SHISA9: variants seen among roughly 807,000 people sequenced by gnomAD.
SHISA9 encodes protein shisa-9.
SHISA9 carries 13 observed loss-of-function variants against 38.0 expected under a neutral mutation model. The ratio of observed to expected loss-of-function variants is 0.34; its 90% CI spans 0.22 to 0.54. The LOEUF is 0.54. SHISA9 is among the 20% of genes least tolerant of loss of function. SHISA9 has a pLI of 0.91. For missense variants in SHISA9, 538 were observed against 575.8 expected, an observed-to-expected ratio of 0.93 and a Z score of 0.67; for synonymous variants, 275 against 242.0, an observed-to-expected ratio of 1.14 and a Z score of -1.27.
chr16:13,549,897 C>G, the SHISA9 span, among the ~76,000 whole-genome samples: 3 of 152,014 alleles, frequency 2.0e-5, no homozygotes, highest in African/African-American at 7.3e-5. Flanking sequence ...GTCGTAAGCG[C>G]CTGTAATCCC....
chr16:13,481,058 A>G, the SHISA9 span, among the ~76,000 whole-genome samples: 5 of 152,228 alleles, frequency 3.3e-5, no homozygotes, highest in African/African-American at 1.2e-4. Context: ...AAAGCTGGAA[A>G]GACACCAAAG....
the SHISA9 span, among the ~76,000 whole-genome samples, chr16:13,534,787 G>C: frequency 6.6e-6 from 1 of 152,036 alleles, no homozygotes; most frequent in African/African-American, 2.4e-5. Flanking sequence ...TCGTTAGCCT[G>C]ATCTGTCTTC....
At chr16:13,391,844 G>T in the SHISA9 span, among the ~76,000 whole-genome samples, 2 of 152,206 alleles carry the variant, frequency 1.3e-5, no homozygotes, top group Non-Finnish European at 2.9e-5. Context: ...GGGTAATAAC[G>T]GTGGCAATTC....
chr16:13,166,336 G>A (rs916264227), intron 2 of SHISA9, among the ~76,000 whole-genome samples: 10 of 152,062 alleles, frequency 6.6e-5, no homozygotes, highest in Non-Finnish European at 1.0e-4. Context: ...GCCTGCCTTT[G>A]CATCCCAGCC....
At chr16:13,057,069 A>G (rs1397029363) in intron 2 of SHISA9, among the ~76,000 whole-genome samples, 3 of 152,182 alleles carry the variant, frequency 2.0e-5, no homozygotes, top group Admixed American at 1.3e-4. Context: ...TGGAAGCTAA[A>G]GGAATGGGCC....
At chr16:13,416,765 AGGAAGGAAG>A in the SHISA9 span, among the ~76,000 whole-genome samples, 1 of 113,556 alleles carries the variant, frequency 8.8e-6, no homozygotes, top group African/African-American at 3.4e-5. Context: ...GAAGGAAGGA[AGGAAGGAAG>A]GGAAGGAAGG....
At chr16:12,951,956 G>A (rs909295488) in intron 2 of SHISA9, among the ~76,000 whole-genome samples, 11 of 152,208 alleles carry the variant, frequency 7.2e-5, no homozygotes, top group South Asian at 2.1e-4. Context: ...ACATATGCAT[G>A]TCAATATGGC....
intron 1 of SHISA9, among the ~76,000 whole-genome samples, chr16:12,912,307 C>T (rs1196804172): frequency 6.6e-6 from 1 of 152,088 alleles, no homozygotes; most frequent in Non-Finnish European, 1.5e-5. Flanking sequence ...GACTTTGGGG[C>T]TGAAATTTCA....
At chr16:13,100,014 C>T (rs2073863271) in intron 2 of SHISA9, among the ~76,000 whole-genome samples, 1 of 152,188 alleles carries the variant, frequency 6.6e-6, no homozygotes, top group Non-Finnish European at 1.5e-5. Flanking sequence ...TGGGACTCAG[C>T]AGGAGGTCTG....
At chr16:12,940,217 C>T (rs2141756229) in intron 2 of SHISA9, among the ~76,000 whole-genome samples, 1 of 152,266 alleles carries the variant, frequency 6.6e-6, no homozygotes, top group African/African-American at 2.4e-5. Context: ...GGCTTGGGGG[C>T]CCATCTTGCC....
chr16:13,427,786 CAG>C, the SHISA9 span, among the ~76,000 whole-genome samples: 1 of 152,152 alleles, frequency 6.6e-6, no homozygotes, highest in South Asian at 2.1e-4. Context: ...GAGAGGCAAA[CAG>C]GGTATTATTC....
At chr16:13,457,882 C>A in the SHISA9 span, among the ~76,000 whole-genome samples, 1 of 152,058 alleles carries the variant, frequency 6.6e-6, no homozygotes, top group Admixed American at 6.6e-5. Flanking sequence ...TAGGCAAGAC[C>A]TTAAAAATAA....
the SHISA9 span, among the ~76,000 whole-genome samples, chr16:13,284,321 A>G: frequency 6.6e-6 from 1 of 152,104 alleles, no homozygotes; most frequent in Non-Finnish European, 1.5e-5. Context: ...GTCTACTTTT[A>G]TAGTTATTCA....
At chr16:13,128,081 A>T (rs1273649436) in intron 2 of SHISA9, among the ~76,000 whole-genome samples, 1 of 152,176 alleles carries the variant, frequency 6.6e-6, no homozygotes, top group African/African-American at 2.4e-5. Flanking sequence ...AGATGCCCAG[A>T]CGGAGTTTAA....
the SHISA9 span, among the ~76,000 whole-genome samples, chr16:13,450,872 G>A: frequency 1.3e-5 from 2 of 152,272 alleles, no homozygotes; most frequent in South Asian, 4.1e-4. Context: ...ATGGCGGCAG[G>A]AGGCATAGGA....
chr16:13,247,435 G>A, the SHISA9 span, among the ~76,000 whole-genome samples: 1 of 152,196 alleles, frequency 6.6e-6, no homozygotes, highest in African/African-American at 2.4e-5. Context: ...AGGGAACTGA[G>A]AGGTTAAATG....
At chr16:13,090,100 A>C (rs971019513) in intron 2 of SHISA9, among the ~76,000 whole-genome samples, 1 of 152,182 alleles carries the variant, frequency 6.6e-6, no homozygotes, top group Non-Finnish European at 1.5e-5. Flanking sequence ...GTTTCCATGT[A>C]GTTGTGCAGT....
the SHISA9 span, among the ~76,000 whole-genome samples, chr16:13,446,823 C>CA: frequency 1.3e-5 from 2 of 151,694 alleles, no homozygotes; most frequent in South Asian, 2.1e-4. Context: ...CTAAAATATA[C>CA]AAAAAAATTA....
intron 2 of SHISA9, among the ~76,000 whole-genome samples, chr16:13,120,709 G>T (rs2050201362): frequency 6.6e-6 from 1 of 152,136 alleles, no homozygotes; most frequent in African/African-American, 2.4e-5. Flanking sequence ...CTGTGGGAAG[G>T]CTGTCTTCTT....
Sources: allele counts gnomAD v4.1 joint callset (sites outside exome capture counted in the v4.1 genomes callset), GRCh38; gene constraint gnomAD v4.1.1; transcripts MANE v1.5; gene names NCBI Gene and HGNC (gene_info 2026-07-23, HGNC 2026-07-21).